The following TAOK3 variants were observed in gnomAD, a reference collection of about 807,000 sequenced individuals.
The protein encoded by TAOK3 is serine/threonine-protein kinase TAO3.
TAOK3 carries 40 observed loss-of-function variants against 120.4 expected under a neutral mutation model. The ratio of observed to expected loss-of-function variants is 0.33; its 90% confidence interval spans 0.26 to 0.43. The LOEUF (loss-of-function observed/expected upper bound fraction) is 0.43, where lower values mean the gene tolerates loss of function less well. Among genes scored for constraint, TAOK3 ranks in the 20% least tolerant of loss-of-function variants. The probability of loss-of-function intolerance (pLI) is 1.00; values close to 1 mark genes in which losing one functional copy is unlikely to be tolerated. For synonymous variants in TAOK3, 355 were observed against 387.5 expected (o/e 0.92, Z 0.99); for missense variants, 821 against 1,112.1 (o/e 0.74, Z 3.72).
At position 118,233,781 on chromosome 12, in the gene TAOK3, T is replaced by C. The variant is rs2039890472; in HGVS notation, c.552-16A>G. 1 of 1,578,550 alleles carries C rather than the reference T, an allele frequency of 6.3e-7. No homozygotes were observed. Among genetic ancestry groups the C allele is most frequent in the African/African-American group, 1.4e-5 (1 of 73,396 alleles). ...TGGAGCCATCCTACCAAACATAAGG[T>C]ACAAAACTCAAGTTGGAGATTAAAA... On this transcript the variant is annotated splice_polypyrimidine_tract_variant and intron_variant, in intron 8 of 20. Coordinates refer to ENST00000392533, the MANE Select transcript of TAOK3 (RefSeq NM_016281.4).
At position 118,262,523 on chromosome 12, in the gene TAOK3, T is replaced by G. The variant is rs2041275344; in HGVS notation, c.-89+4132A>C. Among the ~76,000 whole-genome samples, 3 of 151,768 alleles carry G rather than the reference T, an allele frequency of 2.0e-5. No individual in the cohort carries two copies. In the East Asian group the frequency reaches 5.9e-4, roughly 30 times the overall value. ...AAAATCAAATTTAAAAATATCATGG[T>G]AGCATAAAAAATGTGAAATATGGCC... On this transcript the variant is annotated intron_variant, in intron 2 of 20. Coordinates refer to ENST00000392533, the MANE Select transcript of TAOK3 (RefSeq NM_016281.4).
At chr12:118,238,035 T>C (rs369418165) in intron 7 of TAOK3, 38 bp downstream of exon 7, 1 of 1,395,750 alleles carries the variant, frequency 7.2e-7, no homozygotes, top group Non-Finnish European at 1.0e-6. Context: ...TAGACAGTCC[T>C]GCAACTGAAA....
chr12:118,187,247 A>G (rs2037133110), intron 14 of TAOK3, among the ~76,000 whole-genome samples: 1 of 152,234 alleles, frequency 6.6e-6, no homozygotes, highest in Non-Finnish European at 1.5e-5. Context: ...AAATAAATAT[A>G]GTATTGCCAC....
At chr12:118,315,805 A>C (rs571125614) in intron 1 of TAOK3, among the ~76,000 whole-genome samples, 36 of 152,324 alleles carry the variant, frequency 2.4e-4, no homozygotes, top group African/African-American at 8.2e-4. Flanking sequence ...ACATATATGC[A>C]CATGAGAGAA....
intron 1 of TAOK3, among the ~76,000 whole-genome samples, chr12:118,290,532 A>C (rs2042432159): frequency 6.6e-6 from 1 of 152,134 alleles, no homozygotes; most frequent in Non-Finnish European, 1.5e-5. Context: ...AGGTTATTTT[A>C]GGTTAAGTAT....
intron 9 of TAOK3, among the ~76,000 whole-genome samples, chr12:118,227,154 T>C (rs1250601464): frequency 1.3e-5 from 2 of 151,724 alleles, no homozygotes; most frequent in Non-Finnish European, 2.9e-5. Flanking sequence ...AAGTGGCACA[T>C]TCTTTTAAAA....
intron 9 of TAOK3, among the ~76,000 whole-genome samples, chr12:118,218,958 T>C (rs2039082185): frequency 6.6e-6 from 1 of 151,906 alleles, no homozygotes; most frequent in Non-Finnish European, 1.5e-5. Context: ...GTCTCATAAA[T>C]AAATAACTAA....
intron 12 of TAOK3, chr12:118,200,942 T>G (rs1335646344): frequency 5.9e-6 from 1 of 169,984 alleles, no homozygotes; most frequent in Non-Finnish European, 1.3e-5. Context: ...TACACTCTGT[T>G]GCTAGGATAA....
chr12:118,320,357 G>A (rs1281743316), intron 1 of TAOK3, among the ~76,000 whole-genome samples: 1 of 152,040 alleles, frequency 6.6e-6, no homozygotes, highest in African/African-American at 2.4e-5. Context: ...TTGGGAGGCT[G>A]AGTTGGGAGG....
chr12:118,214,033 A>G lies in TAOK3; in HGVS notation c.721T>C (p.Leu241=), dbSNP rs1235027381. The change falls in exon 10 of 21, where the codon TTA becomes CTA. Residue 241 remains leucine, a synonymous_variant. Coordinates refer to ENST00000392533, the MANE Select transcript of TAOK3 (RefSeq NM_016281.4). ...YHIAQNDSPT[L]QSNEWTDSFR... is the part of the protein sequence containing the mutation. The stretch of plus-strand genomic sequence containing the variant: ...GAGTCTTACCATTCATTAGACTGTA[A>G]CGTTGGGGAGTCATTCTGGGCAATG... 1.2e-6 allele frequency: 2 copies of G among 1,611,762 alleles called. No homozygotes were observed. Among genetic ancestry groups the G allele is most frequent in the African/African-American group, 1.3e-5 (1 of 74,834 alleles).
At chr12:118,278,171 G>A (rs921843865) in intron 1 of TAOK3, among the ~76,000 whole-genome samples, 1 of 152,004 alleles carries the variant, frequency 6.6e-6, no homozygotes, top group Non-Finnish European at 1.5e-5. Flanking sequence ...TTAGGTTCAG[G>A]GGTACATGTG....
chr12:118,213,435 T>C (rs1047414414), intron 10 of TAOK3, among the ~76,000 whole-genome samples: 1 of 152,164 alleles, frequency 6.6e-6, no homozygotes, highest in African/African-American at 2.4e-5. Flanking sequence ...AGGAGTAGGC[T>C]TCCTGAACAA....
Position 118,150,742 on chromosome 12 carries a change from A to C in TAOK3, c.*255T>G. On this transcript the variant is annotated 3_prime_UTR_variant, in exon 21 of 21. Coordinates refer to ENST00000392533, the MANE Select transcript of TAOK3 (RefSeq NM_016281.4). The stretch of plus-strand genomic sequence containing the variant: ...CACTGAAACATTTTGAATCACATCA[A>C]TACTGTGACGTGTACTGTGAATAGA... 2.4e-6 allele frequency: 1 copy of C among 419,328 alleles called. No individual in the cohort carries two copies. Among genetic ancestry groups the C allele is most frequent in the Non-Finnish European group, 4.2e-6 (1 of 236,434 alleles). The allele number at this position is 419,328 out of a possible 1,614,324, so 26.0% of individuals were successfully genotyped here.
rs146893418 is a variant in TAOK3 at position 118,332,975 on chromosome 12, A to AACACACACACAC, written c.-194+39661_-194+39672dup. On this transcript the variant is annotated intron_variant, in intron 1 of 20. Transcript: ENST00000392533. ...TGTACATGCACCAAACAACAGTTTC[A>AACACACACACAC]ACACACACACACACACACACAGATA... 8.2e-3 allele frequency among the ~76,000 whole-genome samples: 1,235 copies of AACACACACACAC among 149,730 alleles called. 13 individuals are homozygous for AACACACACACAC. Among genetic ancestry groups the AACACACACACAC allele is most frequent in the African/African-American group, 0.027 (1,076 of 40,586 alleles).
chr12:118,230,140 T>A (rs1382204996), intron 9 of TAOK3, among the ~76,000 whole-genome samples: 1 of 152,198 alleles, frequency 6.6e-6, no homozygotes, highest in Admixed American at 6.5e-5. Flanking sequence ...ATCTAAAATT[T>A]ATTTTTGTGT....
At chr12:118,339,940 T>G (rs1485310375) in intron 1 of TAOK3, among the ~76,000 whole-genome samples, 3 of 152,190 alleles carry the variant, frequency 2.0e-5, no homozygotes, top group Non-Finnish European at 2.9e-5. Flanking sequence ...CTATTCATAT[T>G]TCACAAAATC....
At chr12:118,284,385 G>C (rs2075870487) in intron 1 of TAOK3, among the ~76,000 whole-genome samples, 2 of 152,086 alleles carry the variant, frequency 1.3e-5, no homozygotes, top group African/African-American at 4.8e-5. Flanking sequence ...TGAGTGTGGA[G>C]GTCAAGAGAA....
chr12:118,352,330 C>A (rs1287642944), intron 1 of TAOK3, among the ~76,000 whole-genome samples: 2 of 151,526 alleles, frequency 1.3e-5, no homozygotes, highest in East Asian at 4.0e-4. Flanking sequence ...ATGGTGAAAC[C>A]CTGTCTCTAC....
intron 1 of TAOK3, among the ~76,000 whole-genome samples, chr12:118,322,598 C>T (rs376281470): frequency 6.6e-6 from 1 of 151,264 alleles, no homozygotes; most frequent in East Asian, 1.9e-4. Context: ...AATAAATGAG[C>T]GTGTGTTCCA....
Sources: gnomAD v4.1 joint callset for allele counts (sites outside exome capture counted in the v4.1 genomes callset) on GRCh38, gnomAD v4.1.1 for gene constraint, MANE v1.5 for transcripts, NCBI Gene and HGNC (gene_info 2026-07-23, HGNC 2026-07-21) for gene names.